MAGED1: variants seen among roughly 807,000 people sequenced by gnomAD.
MAGED1 encodes melanoma-associated antigen D1.
A neutral mutation model predicts 54.1 loss-of-function variants in MAGED1; 3 were observed. The ratio of observed to expected loss-of-function variants is 0.06; its 90% CI spans 0.03 to 0.14. The LOEUF (loss-of-function observed/expected upper bound fraction) is 0.14, where lower values mean the gene tolerates loss of function less well. MAGED1 is among the 10% of genes least tolerant of loss of function. The pLI is 1.00. For missense variants in MAGED1, 485 were observed against 623.4 expected (o/e 0.78, Z 2.36); for synonymous variants, 217 against 227.3 (o/e 0.95, Z 0.41).
chrX:51,898,224 G>A, intron 8 of MAGED1, 31 bp downstream of exon 8: 1 of 1,206,501 alleles, frequency 8.3e-7, no homozygotes, highest in South Asian at 1.8e-5. Flanking sequence ...CTGGGGGTTG[G>A]CCACAGCCTG....
intron 1 of MAGED1, among the ~76,000 whole-genome samples, chrX:51,887,129 C>A (rs1295133823): frequency 9.8e-6 from 1 of 102,207 alleles, no homozygotes; most frequent in Non-Finnish European, 2.0e-5. Context: ...TGTAAATTGA[C>A]AAAACATATG....
intron 1 of MAGED1, among the ~76,000 whole-genome samples, chrX:51,815,437 A>C (rs782064887): frequency 3.6e-5 from 4 of 111,495 alleles, no homozygotes; most frequent in African/African-American, 1.3e-4. Context: ...CTTAGTTTTT[A>C]AGAAAAAAGT....
chrX:51,839,460 C>A (rs1464114411), intron 1 of MAGED1, among the ~76,000 whole-genome samples: 2 of 111,760 alleles, frequency 1.8e-5, no homozygotes, highest in African/African-American at 6.5e-5. Context: ...CAAGTCCTTC[C>A]CTTCCTGTTC....
At chrX:51,896,271 A>C (rs1928745014) in intron 3 of MAGED1, 138 bp from the exon 4 acceptor site, 3 of 553,851 alleles carry the variant, frequency 5.4e-6, no homozygotes, top group Admixed American at 7.9e-5. Context: ...AGTGAAAGAC[A>C]AACCCAGGAC....
chrX:51,876,381 A>C (rs1221207375), intron 1 of MAGED1, among the ~76,000 whole-genome samples: 2 of 110,791 alleles, frequency 1.8e-5, no homozygotes, highest in African/African-American at 3.3e-5. Flanking sequence ...ATCAAACCTG[A>C]GTAATCATGA....
chrX:51,841,675 C>G (rs1557358606), intron 1 of MAGED1, among the ~76,000 whole-genome samples: 2 of 111,599 alleles, frequency 1.8e-5, no homozygotes, highest in Non-Finnish European at 3.8e-5. Context: ...TTTCCCAGCA[C>G]CATTTATTAA....
chrX:51,873,534 T>TGTGA lies in MAGED1; in HGVS notation c.-36-20734_-36-20733insTGAG, dbSNP rs1557361798. ...TAGACTGTGTGTGTGTGTGTGTGTG[T>TGTGA]GAGAGAGAGAGAGAGAGAGAGAGAG... is the stretch of plus-strand genomic sequence containing the variant. On this transcript the variant is annotated intron_variant, in intron 1 of 12. Transcript: ENST00000375772. Among the ~76,000 whole-genome samples, 796 of 90,552 alleles carry TGTGA rather than the reference T, an allele frequency of 8.8e-3. 5 individuals carry two copies. The highest frequency in any genetic ancestry group is 0.074 in the Middle Eastern group (13 of 176). The allele number at this position is 90,552 out of a possible 115,157, so 78.6% of individuals were successfully genotyped here. A position where few individuals can be genotyped will look rare whatever the true frequency, so the allele number is the denominator to read the frequency against.
Position 51,894,309 on chromosome X carries a change from C to A in MAGED1, c.5C>A (p.Ala2Asp). The stretch of plus-strand genomic sequence containing the variant: ...CTTGCCAGAGGGACAGGAGCCATGG[C>A]TCAGAAAATGGACTGTGGTGCGGGC... M[A>D]QKMDCGAGLL... The change falls in exon 2 of 13, where the codon GCT becomes GAT. Residue 2 changes from alanine (A) to aspartate (D), a missense_variant. Around this residue, in one of 2 missense-constraint regions of MAGED1, gnomAD observed 299 missense variants for 293.1 expected, o/e 1.02. Coordinates refer to ENST00000326587, the MANE Select transcript of MAGED1 (RefSeq NM_006986.4). The A allele has an allele frequency of 8.3e-7, 1 of 1,202,498 alleles. No individual in the cohort carries two copies. Among genetic ancestry groups the A allele is most frequent in the Non-Finnish European group, 1.1e-6 (1 of 890,841 alleles).
chrX:51,843,017 C>G (rs1264646869), intron 1 of MAGED1, among the ~76,000 whole-genome samples: 1 of 112,126 alleles, frequency 8.9e-6, no homozygotes, highest in East Asian at 2.8e-4. Flanking sequence ...ATTAAACATG[C>G]TTGAAGTAAT....
chrX:51,805,067 C>A (rs1446195541), intron 1 of MAGED1, among the ~76,000 whole-genome samples: 1 of 111,806 alleles, frequency 8.9e-6, no homozygotes, highest in Non-Finnish European at 1.9e-5. Flanking sequence ...ACCATTTAGG[C>A]GACTTGTCAG....
intron 1 of MAGED1, among the ~76,000 whole-genome samples, chrX:51,805,965 CTTTTTTTTTTTT>C (rs57427122): frequency 8.9e-4 from 33 of 36,950 alleles, no homozygotes; most frequent in East Asian, 1.2e-3. Context: ...CTTTTCTTTT[CTTTTTTTTTTTT>C]TTTTTTTTTT....
At chrX:51,844,586 C>T (rs1926617020) in intron 1 of MAGED1, among the ~76,000 whole-genome samples, 1 of 111,979 alleles carries the variant, frequency 8.9e-6, no homozygotes, top group Non-Finnish European at 1.9e-5. Context: ...CTTCTCTTCT[C>T]TCTGATCTCT....
intron 1 of MAGED1, among the ~76,000 whole-genome samples, chrX:51,886,900 C>G (rs782699678): frequency 1.9e-4 from 21 of 109,474 alleles, no homozygotes; most frequent in Non-Finnish European, 3.4e-4. Context: ...TACAAAAATT[C>G]AAATAATTAA....
At chrX:51,894,645 GCAGT>G in intron 2 of MAGED1, 6 of 1,194,711 alleles carry the variant, frequency 5.0e-6, no homozygotes, top group Non-Finnish European at 6.8e-6. Context: ...CGCTTGTAGA[GCAGT>G]CTGTCACCCC....
Position 51,809,422 on chromosome X carries a change from A to G in MAGED1, c.-37+6305A>G, listed in dbSNP as rs6614501. ...CGTGAGCCACCGCGCCCGGCCCCTT[A>G]GTCTCCTTTTTGAAAGATCGTTGAT... On this transcript the variant is annotated intron_variant, in intron 1 of 12. Coordinates refer to the MAGED1 transcript ENST00000375772. Among the ~76,000 whole-genome samples the G allele has an allele frequency of 3.0e-3, 339 of 111,532 alleles. 13 individuals carry two copies. The East Asian group carries it at 0.082, about 27-fold the overall frequency.
chrX:51,873,528 T>TGA (rs1240244853), intron 1 of MAGED1, among the ~76,000 whole-genome samples: 1 of 53,181 alleles, frequency 1.9e-5, no homozygotes, highest in African/African-American at 7.1e-5. Flanking sequence ...TGTGTGTGTG[T>TGA]GTGTGTGAGA....
At chrX:51,846,886 A>G (rs1602233412) in intron 1 of MAGED1, among the ~76,000 whole-genome samples, 1 of 111,789 alleles carries the variant, frequency 8.9e-6, no homozygotes, top group East Asian at 2.8e-4. Context: ...AACATTGGGG[A>G]TTATAATTGA....
upstream of MAGED1, among the ~76,000 whole-genome samples, chrX:51,890,601 G>A (rs1928401279): frequency 1.8e-5 from 2 of 111,117 alleles, no homozygotes; most frequent in South Asian, 3.8e-4. Flanking sequence ...GTTAAAAATC[G>A]AAATACATCT....
chrX:51,867,732 GT>G (rs1301809992), intron 1 of MAGED1, among the ~76,000 whole-genome samples: 1 of 112,261 alleles, frequency 8.9e-6, no homozygotes, highest in African/African-American at 3.2e-5. Flanking sequence ...ATACTCAGAT[GT>G]TTCTTCCAAA....
Sources: allele counts gnomAD v4.1 joint callset (sites outside exome capture counted in the v4.1 genomes callset), GRCh38; gene constraint gnomAD v4.1.1; regional missense constraint gnomAD v4.1.1; transcripts MANE v1.5; gene names NCBI Gene and HGNC (gene_info 2026-07-23, HGNC 2026-07-21).